DNAJA1: variants seen among roughly 807,000 people sequenced by gnomAD.
DNAJA1 encodes dnaJ homolog subfamily A member 1.
In DNAJA1, 26 loss-of-function variants were observed where a neutral mutation model predicts 47.6. That is an observed-to-expected ratio of 0.55 (90% confidence interval 0.40 to 0.76). DNAJA1 has a LOEUF of 0.76. Ranked by LOEUF, DNAJA1 falls within the 30% of genes least tolerant of loss-of-function variation. The pLI, the probability that DNAJA1 is intolerant of heterozygous loss-of-function variation, is 0.00. For missense variants in DNAJA1, 315 were observed against 485.0 expected (o/e 0.65, Z 3.29); for synonymous variants, 165 against 158.4 (o/e 1.04, Z -0.31).
intron 3 of DNAJA1, among the ~76,000 whole-genome samples, chr9:33,028,662 A>G (rs776590906): frequency 2.0e-5 from 3 of 152,244 alleles, no homozygotes; most frequent in Non-Finnish European, 2.9e-5. Context: ...TTACCTTACA[A>G]AGAACCTGCA....
intron 6 of DNAJA1, among the ~76,000 whole-genome samples, chr9:33,034,726 G>A (rs1251620536): frequency 6.6e-6 from 1 of 152,138 alleles, no homozygotes; most frequent in African/African-American, 2.4e-5. Context: ...ATCTCTGTAG[G>A]AAACTTAAAT....
At chr9:33,025,425 C>G (rs1232007680) in intron 1 of DNAJA1, 42 bp downstream of exon 1, 2 of 152,430 alleles carry the variant, frequency 1.3e-5, no homozygotes, top group Non-Finnish European at 2.9e-5. Flanking sequence ...CCCTGGCTGG[C>G]GCCATTGGCG....
rs762719547 is a variant in DNAJA1 at position 33,036,714 on chromosome 9, C to G, written c.874+25C>G. The stretch of plus-strand genomic sequence containing the variant: ...GGTATGGGAACTAGGCAAGCTTAAA[C>G]TTCTCTTTTCTATTCTAGTATTTTC... On this transcript the variant is annotated intron_variant, in intron 7 of 8. Coordinates refer to ENST00000330899, the MANE Select transcript of DNAJA1 (RefSeq NM_001539.4). 3.3e-6 allele frequency: 5 copies of G among 1,514,460 alleles called. No individual in the cohort carries two copies. The East Asian group carries it at 1.1e-4, about 34-fold the overall frequency. The allele number at this position is 1,514,460 out of a possible 1,614,324, so 93.8% of individuals were successfully genotyped here.
chr9:33,025,761 GCGGGGGGAGC>G lies in DNAJA1; in HGVS notation c.-11+383_-11+392del, dbSNP rs1838815207. On this transcript the variant is annotated intron_variant, in intron 1 of 8. Coordinates refer to ENST00000330899, the MANE Select transcript of DNAJA1 (RefSeq NM_001539.4). ...CACAGGGAGGCAGGGGCGAGGGGCTGCGGGGGGAGCCGGGCGGAGACTGCGGCTTTTGGTT... is the reference window on the plus strand; with the variant it reads ...CACAGGGAGGCAGGGGCGAGGGGCTGCGGGCGGAGACTGCGGCTTTTGGTT... Among the ~76,000 whole-genome samples, 14 of 152,228 alleles carry G rather than the reference GCGGGGGGAGC, an allele frequency of 9.2e-5. No individual in the cohort carries two copies. In the South Asian group the frequency reaches 2.9e-3, roughly 32 times the overall value.
intron 3 of DNAJA1, among the ~76,000 whole-genome samples, chr9:33,028,475 T>C (rs894646209): frequency 1.3e-5 from 2 of 152,234 alleles, no homozygotes; most frequent in Non-Finnish European, 2.9e-5. Flanking sequence ...TTGAGCTTCT[T>C]AAGGTTCAGA....
chr9:33,030,887 A>G (rs10971345), intron 5 of DNAJA1, among the ~76,000 whole-genome samples: 10,726 of 152,298 alleles, frequency 0.07, 512 homozygotes, highest in Non-Finnish European at 0.11. Flanking sequence ...TCCTCATTTA[A>G]TATAACAGGA....
Position 33,026,632 on chromosome 9 carries a change from T to G in DNAJA1, c.132+16T>G. The G allele has an allele frequency of 6.3e-7, 1 of 1,595,640 alleles. No homozygotes were observed. Among genetic ancestry groups the G allele is most frequent in the Non-Finnish European group, 8.5e-7 (1 of 1,175,080 alleles). ...AGGAGAGAAGGTGAATAGTATCTAC[T>G]CTTAAACGTATCTGAATAGTTCTTT... On this transcript the variant is annotated intron_variant, in intron 2 of 8. Coordinates refer to ENST00000330899, the MANE Select transcript of DNAJA1 (RefSeq NM_001539.4).
intron 4 of DNAJA1, 49 bp downstream of exon 4, chr9:33,030,038 T>C (rs1251337683): frequency 1.2e-5 from 18 of 1,516,040 alleles, no homozygotes; most frequent in Non-Finnish European, 1.6e-5. Context: ...GCACCTTTAA[T>C]ATGACACCTG....
At chr9:33,029,756 A>G in intron 3 of DNAJA1, 129 bp from the exon 4 acceptor site, 1 of 616,214 alleles carries the variant, frequency 1.6e-6, no homozygotes, top group Non-Finnish European at 2.8e-6. Flanking sequence ...TGTATATAGT[A>G]GGTAGTCAAC....
In DNAJA1 at chr9:33,039,735, C is replaced by G. The variant is rs1839092504; in HGVS notation, c.*832C>G. On this transcript the variant is annotated 3_prime_UTR_variant, in exon 9 of 9. Transcript: ENST00000330899. ...AGGTATGTTACAGGATTACTTTAAA[C>G]CATTTGACTTTCGCTCCAAAGTTAT... The G allele has an allele frequency of 6.6e-6, 1 of 151,776 alleles. No individual in the cohort carries two copies. The highest frequency in any genetic ancestry group is 6.6e-5 in the Admixed American group (1 of 15,212). 9.4% of individuals were successfully genotyped at this position (151,776 alleles called of 1,614,324 possible).
At chr9:33,034,977 A>G (rs184402155) in intron 6 of DNAJA1, among the ~76,000 whole-genome samples, 1 of 147,568 alleles carries the variant, frequency 6.8e-6, no homozygotes, top group African/African-American at 2.5e-5. Context: ...GCTTGAACTC[A>G]GGAGTTCAAG....
intron 4 of DNAJA1, 66 bp from the exon 5 acceptor site, chr9:33,030,374 C>G: frequency 6.9e-7 from 1 of 1,457,614 alleles, no homozygotes; most frequent in Non-Finnish European, 9.4e-7. Flanking sequence ...GAATTGTCTT[C>G]TTAAAACATT....
intron 7 of DNAJA1, 35 bp from the exon 8 acceptor site, chr9:33,036,980 A>G (rs747357718): frequency 3.2e-6 from 5 of 1,569,894 alleles, no homozygotes; most frequent in Non-Finnish European, 2.6e-6. Flanking sequence ...AAATGTGACC[A>G]TACTTAAGGA....
intron 3 of DNAJA1, among the ~76,000 whole-genome samples, chr9:33,028,011 C>T (rs542172096): frequency 5.0e-5 from 6 of 120,378 alleles, no homozygotes; most frequent in South Asian, 2.5e-4. Context: ...AGCAACACAG[C>T]GAGACTCTTG....
chr9:33,034,144 ATG>A, intron 5 of DNAJA1, 70 bp from the exon 6 acceptor site: 1 of 1,047,864 alleles, frequency 9.5e-7, no homozygotes, highest in East Asian at 2.6e-5. Flanking sequence ...ACAAACATCT[ATG>A]TATAGATTTT....
intron 1 of DNAJA1, among the ~76,000 whole-genome samples, chr9:33,025,947 G>A (rs113013622): frequency 1.4e-4 from 22 of 152,356 alleles, no homozygotes; most frequent in African/African-American, 5.1e-4. Flanking sequence ...AGCCTGAGGG[G>A]CGAGAGGGAT....
In DNAJA1 at chr9:33,037,004, A is replaced by G. The variant is rs1300201055; in HGVS notation, c.875-11A>G. On this transcript the variant is annotated splice_polypyrimidine_tract_variant and intron_variant, in intron 7 of 8. Coordinates refer to ENST00000330899, the MANE Select transcript of DNAJA1 (RefSeq NM_001539.4). The stretch of plus-strand genomic sequence containing the variant: ...CATACTTAAGGAAGAACTTGGCTTC[A>G]ATGTTTTTAGGTCAGATTGTCAAGC... The G allele has an allele frequency of 3.1e-6, 5 of 1,602,132 alleles. No individual in the cohort carries two copies. Among genetic ancestry groups the G allele is most frequent in the Admixed American group, 1.8e-5 (1 of 56,926 alleles).
intron 6 of DNAJA1, 65 bp from the exon 7 acceptor site, chr9:33,036,509 C>A: frequency 2.9e-6 from 3 of 1,041,346 alleles, no homozygotes; most frequent in Non-Finnish European, 4.2e-6. Context: ...AAAAAAACAG[C>A]CTGCTTTGGT....
At chr9:33,031,131 G>T (rs1248188174) in intron 5 of DNAJA1, among the ~76,000 whole-genome samples, 1 of 152,218 alleles carries the variant, frequency 6.6e-6, no homozygotes, top group African/African-American at 2.4e-5. Flanking sequence ...TTTCGCTCTT[G>T]TTTCCCAGGC....
Sources: allele counts gnomAD v4.1 joint callset (sites outside exome capture counted in the v4.1 genomes callset), GRCh38; gene constraint gnomAD v4.1.1; transcripts MANE v1.5; gene names NCBI Gene and HGNC (gene_info 2026-07-23, HGNC 2026-07-21).